Variants in FMN2 observed in about 807,000 individuals in gnomAD.
FMN2 encodes the protein formin 2.
FMN2 carries 51 observed loss-of-function variants against 142.3 expected under a neutral mutation model. The ratio of observed to expected loss-of-function variants is 0.36; its 90% CI spans 0.29 to 0.45. The LOEUF (loss-of-function observed/expected upper bound fraction) is 0.45, where lower values mean the gene tolerates loss of function less well. Ranked by LOEUF, FMN2 falls within the 20% of genes least tolerant of loss-of-function variation. The pLI is 1.00. For synonymous variants in FMN2, 882 were observed against 869.8 expected (o/e 1.01, Z -0.25); for missense variants, 1,936 against 2,122.8 (o/e 0.91, Z 1.73).
At chr1:240,354,054 A>G (rs931270522) in intron 13 of FMN2, among the ~76,000 whole-genome samples, 7 of 152,166 alleles carry the variant, frequency 4.6e-5, no homozygotes, top group Non-Finnish European at 8.8e-5. Context: ...ATCATGGTGT[A>G]GGCTTTGCAA....
chr1:240,331,603 G>C (rs575961873), intron 11 of FMN2, among the ~76,000 whole-genome samples: 1 of 152,174 alleles, frequency 6.6e-6, no homozygotes, highest in East Asian at 1.9e-4. Context: ...TCCTTCATGG[G>C]GGAGAGAGAG....
At chr1:240,367,974 C>T (rs1175544459) in intron 14 of FMN2, among the ~76,000 whole-genome samples, 5 of 151,942 alleles carry the variant, frequency 3.3e-5, no homozygotes, top group Non-Finnish European at 5.9e-5. Context: ...TTGTTTAGTG[C>T]CATGTAAGGA....
chr1:240,117,942 G>A (rs1662087522), intron 1 of FMN2, among the ~76,000 whole-genome samples: 1 of 152,196 alleles, frequency 6.6e-6, no homozygotes, highest in African/African-American at 2.4e-5. Flanking sequence ...GTAATGGGGT[G>A]TGCTCCTTCA....
intron 2 of FMN2, among the ~76,000 whole-genome samples, chr1:240,158,539 T>C (rs545956292): frequency 2.3e-4 from 35 of 152,288 alleles, no homozygotes; most frequent in Non-Finnish European, 3.4e-4. Context: ...TCAAGTTGAA[T>C]GGAAATGAGC....
intron 14 of FMN2, among the ~76,000 whole-genome samples, chr1:240,383,267 C>T (rs1446441533): frequency 6.6e-6 from 1 of 152,068 alleles, no homozygotes; most frequent in Non-Finnish European, 1.5e-5. Flanking sequence ...ATAAATGGGA[C>T]TTAGTTAAAT....
intron 6 of FMN2, among the ~76,000 whole-genome samples, chr1:240,213,872 C>T (rs542379474): frequency 1.1e-4 from 16 of 152,144 alleles, no homozygotes; most frequent in Non-Finnish European, 1.9e-4. Flanking sequence ...ATGGCAGAGA[C>T]GTTTTCAGTG....
At chr1:240,205,456 CTTTTTT>C (rs36115091) in intron 4 of FMN2, among the ~76,000 whole-genome samples, 6 of 97,478 alleles carry the variant, frequency 6.2e-5, no homozygotes, top group African/African-American at 1.7e-4. Context: ...ATGCTCTTTC[CTTTTTT>C]TTTTTTTTTT....
intron 2 of FMN2, among the ~76,000 whole-genome samples, chr1:240,169,379 G>A (rs1270889967): frequency 1.3e-5 from 2 of 152,200 alleles, no homozygotes; most frequent in Non-Finnish European, 2.9e-5. Flanking sequence ...TTTGAGGTCA[G>A]TAGGACAAGG....
chr1:240,314,789 G>T (rs1670715888), intron 8 of FMN2, among the ~76,000 whole-genome samples: 1 of 152,108 alleles, frequency 6.6e-6, no homozygotes, highest in Non-Finnish European at 1.5e-5. Context: ...CCTTGTGTGT[G>T]GTGTTGAATT....
intron 14 of FMN2, 40 bp downstream of exon 14, chr1:240,355,948 CAGCAAAAAAAAAAAAAAAAA>C: frequency 5.7e-5 from 9 of 159,164 alleles, no homozygotes; most frequent in South Asian, 1.5e-4. Flanking sequence ...TCTCCCCTTT[CAGCAAAAAAAAAAAAAAAAA>C]AAAAAAAAAA....
Position 240,276,707 on chromosome 1 carries a change from A to G in FMN2, c.4154-18115A>G, listed in dbSNP as rs550439967. Reference sequence around the variant, plus strand: ...TGGTGCAGACTACACAGGCTGCTCAATTTTCCACAATCATGTAAGTTTGTA... The same window carrying G: ...TGGTGCAGACTACACAGGCTGCTCAGTTTTCCACAATCATGTAAGTTTGTA... On this transcript the variant is annotated intron_variant, in intron 7 of 17. Coordinates refer to ENST00000319653, the MANE Select transcript of FMN2 (RefSeq NM_020066.5). Among the ~76,000 whole-genome samples the G allele has an allele frequency of 1.3e-4, 20 of 152,250 alleles. No homozygotes were observed. The South Asian group carries it at 3.3e-3, about 25-fold the overall frequency.
chr1:240,401,213 A>G (rs10802867), intron 15 of FMN2: 110,640 of 151,872 alleles, frequency 0.73, 41,533 homozygotes, highest in African/African-American at 0.92. Flanking sequence ...GTCTTGGCAA[A>G]GCCTAGAGGG....
At chr1:240,121,320 T>G (rs1662234360) in intron 1 of FMN2, among the ~76,000 whole-genome samples, 1 of 152,070 alleles carries the variant, frequency 6.6e-6, no homozygotes, top group Non-Finnish European at 1.5e-5. Flanking sequence ...TGAGAACCCC[T>G]GGGCTAGGTG....
At chr1:240,142,803 C>T in intron 2 of FMN2, 2 of 1,587,154 alleles carry the variant, frequency 1.3e-6, no homozygotes, top group Non-Finnish European at 1.7e-6. Context: ...TGTCTGGAAC[C>T]CTGTGATGGT....
chr1:240,314,591 G>GC (rs1334796835), intron 8 of FMN2, among the ~76,000 whole-genome samples: 4 of 151,150 alleles, frequency 2.6e-5, no homozygotes, highest in African/African-American at 4.8e-5. Flanking sequence ...CTTAATAAAT[G>GC]TAAAAATTTT....
intron 4 of FMN2, among the ~76,000 whole-genome samples, chr1:240,205,431 AC>A (rs1666298535): frequency 7.5e-6 from 1 of 133,736 alleles, no homozygotes; most frequent in Non-Finnish European, 1.6e-5. Context: ...TAAATAATTT[AC>A]CCTTAAGAAG....
chr1:240,412,679 T>A (rs985427126), intron 15 of FMN2, among the ~76,000 whole-genome samples: 3 of 151,816 alleles, frequency 2.0e-5, no homozygotes, highest in Non-Finnish European at 4.4e-5. Flanking sequence ...AGGAATACAG[T>A]GGTTGGGAAC....
intron 1 of FMN2, among the ~76,000 whole-genome samples, chr1:240,108,919 C>T (rs1661706581): frequency 6.6e-6 from 1 of 152,090 alleles, no homozygotes; most frequent in African/African-American, 2.4e-5. Flanking sequence ...GCCTGTAATC[C>T]CAGCTACTCA....
At chr1:240,437,624 C>G (rs1315214243) in intron 15 of FMN2, among the ~76,000 whole-genome samples, 1 of 152,116 alleles carries the variant, frequency 6.6e-6, no homozygotes, top group African/African-American at 2.4e-5. Flanking sequence ...TTTATTCCTT[C>G]TAACAATGTA....
Sources: allele counts gnomAD v4.1 joint callset (sites outside exome capture counted in the v4.1 genomes callset), GRCh38; gene constraint gnomAD v4.1.1; transcripts MANE v1.5; gene names NCBI Gene and HGNC (gene_info 2026-07-23, HGNC 2026-07-21).